CTNND2: variants seen among roughly 807,000 people sequenced by gnomAD.
CTNND2 encodes the protein catenin delta 2, also known as catenin delta-2.
Under a neutral mutation model 144.4 loss-of-function variants are expected in CTNND2, and 22 were observed. That is an observed-to-expected ratio of 0.15 (90% CI 0.11 to 0.22). CTNND2 has a LOEUF of 0.22. Ranked by LOEUF, CTNND2 falls within the 10% of genes least tolerant of loss-of-function variation. The pLI, the probability that CTNND2 is intolerant of heterozygous loss-of-function variation, is 1.00. For synonymous variants in CTNND2, 751 were observed against 695.6 expected, an observed-to-expected ratio of 1.08 and a Z score of -1.25; for missense variants, 1,353 against 1,618.8, an observed-to-expected ratio of 0.84 and a Z score of 2.82.
intron 1 of CTNND2, among the ~76,000 whole-genome samples, chr5:11,869,301 T>C (rs1795917408): frequency 6.6e-6 from 1 of 152,188 alleles, no homozygotes; most frequent in African/African-American, 2.4e-5. Flanking sequence ...TATTCACAAT[T>C]GCCAAAAGGT....
intron 3 of CTNND2, among the ~76,000 whole-genome samples, chr5:11,544,120 A>T (rs895933657): frequency 2.0e-5 from 3 of 152,210 alleles, no homozygotes; most frequent in Non-Finnish European, 4.4e-5. Context: ...TTAAAAATTT[A>T]AAGGGGACTT....
chr5:11,444,399 C>T (rs1764617717), intron 3 of CTNND2, among the ~76,000 whole-genome samples: 1 of 152,204 alleles, frequency 6.6e-6, no homozygotes, highest in Non-Finnish European at 1.5e-5. Context: ...AAGAAATTCT[C>T]TAAAAATCTG....
chr5:11,153,578 G>C (rs1757945543), intron 12 of CTNND2, among the ~76,000 whole-genome samples: 1 of 152,156 alleles, frequency 6.6e-6, no homozygotes, highest in African/African-American at 2.4e-5. Flanking sequence ...TCTAGAATTA[G>C]AGGCACCGTG....
chr5:11,015,072 GC>G (rs1561173132), intron 18 of CTNND2, among the ~76,000 whole-genome samples: 2 of 152,100 alleles, frequency 1.3e-5, no homozygotes, highest in African/African-American at 4.8e-5. Flanking sequence ...CCTTTGGAAC[GC>G]TTCCTTTGCT....
intron 1 of CTNND2, among the ~76,000 whole-genome samples, chr5:11,832,689 C>A (rs1017713344): frequency 2.0e-5 from 3 of 152,112 alleles, no homozygotes; most frequent in Non-Finnish European, 4.4e-5. Flanking sequence ...GCCTGTAATC[C>A]CAGCACTTTG....
intron 1 of CTNND2, among the ~76,000 whole-genome samples, chr5:11,780,513 G>A (rs573901298): frequency 2.0e-5 from 3 of 152,152 alleles, no homozygotes; most frequent in Admixed American, 2.0e-4. Context: ...CCTGGAGAGT[G>A]CAGAGGCTAT....
intron 11 of CTNND2, among the ~76,000 whole-genome samples, chr5:11,164,451 A>G (rs1010710858): frequency 3.3e-5 from 5 of 152,172 alleles, no homozygotes; most frequent in African/African-American, 1.2e-4. Flanking sequence ...ACATTCATTC[A>G]TTCATTTATC....
intron 1 of CTNND2, among the ~76,000 whole-genome samples, chr5:11,811,596 A>G (rs568140045): frequency 6.6e-5 from 10 of 152,312 alleles, no homozygotes; most frequent in Admixed American, 3.3e-4. Context: ...ACAGGGTCCA[A>G]TGGATGCCCT....
chr5:11,060,221 C>T (rs1357661504), intron 16 of CTNND2, among the ~76,000 whole-genome samples: 11 of 152,134 alleles, frequency 7.2e-5, no homozygotes, highest in Non-Finnish European at 1.5e-4. Context: ...AAGGTACTAG[C>T]AAAGAAGCAT....
intron 3 of CTNND2, among the ~76,000 whole-genome samples, chr5:11,513,534 T>A (rs1183990550): frequency 6.6e-6 from 1 of 152,210 alleles, no homozygotes; most frequent in Non-Finnish European, 1.5e-5. Flanking sequence ...CTTTCTCCAT[T>A]TCACTTTACA....
chr5:11,799,466 T>G (rs912925505), intron 1 of CTNND2, among the ~76,000 whole-genome samples: 2 of 152,182 alleles, frequency 1.3e-5, no homozygotes, highest in Non-Finnish European at 2.9e-5. Context: ...TTGAGATGTG[T>G]ATAGTTTTCA....
chr5:11,881,900 T>A (rs184350763), intron 1 of CTNND2, among the ~76,000 whole-genome samples: 2 of 152,112 alleles, frequency 1.3e-5, no homozygotes. Context: ...GCATTTGTTA[T>A]ATTTTTTCTT....
chr5:11,248,029 C>T (rs1166277214), intron 9 of CTNND2, among the ~76,000 whole-genome samples: 1 of 152,048 alleles, frequency 6.6e-6, no homozygotes, highest in African/African-American at 2.4e-5. Context: ...AATTAGTGTC[C>T]ATAAACTTTA....
chr5:11,018,370 T>A (rs1741850011), intron 17 of CTNND2, among the ~76,000 whole-genome samples: 1 of 152,118 alleles, frequency 6.6e-6, no homozygotes. Flanking sequence ...TTAATAACCC[T>A]ACAATGGCTC....
intron 2 of CTNND2, among the ~76,000 whole-genome samples, chr5:11,625,131 C>T (rs542156001): frequency 1.6e-4 from 25 of 152,150 alleles, no homozygotes; most frequent in African/African-American, 5.8e-4. Flanking sequence ...TAAACAACGA[C>T]GTTACATGAA....
intron 3 of CTNND2, among the ~76,000 whole-genome samples, chr5:11,542,602 T>C (rs1034699904): frequency 7.9e-5 from 12 of 152,246 alleles, no homozygotes; most frequent in Non-Finnish European, 1.2e-4. Context: ...ATGTATTCAA[T>C]AATATACTTA....
chr5:11,446,363 T>C (rs1401950703), intron 3 of CTNND2, among the ~76,000 whole-genome samples: 5 of 152,202 alleles, frequency 3.3e-5, no homozygotes. Flanking sequence ...CCTCGGTTCA[T>C]GGGAGGGTCG....
intron 5 of CTNND2, among the ~76,000 whole-genome samples, chr5:11,401,535 T>A: frequency 6.6e-6 from 1 of 152,202 alleles, no homozygotes; most frequent in Admixed American, 6.5e-5. Flanking sequence ...CCCATCTCCA[T>A]ACTTATTTGA....
At chr5:11,035,029 C>T (rs1474843384) in intron 16 of CTNND2, among the ~76,000 whole-genome samples, 2 of 131,114 alleles carry the variant, frequency 1.5e-5, no homozygotes, top group Non-Finnish European at 3.2e-5. Context: ...CCCCTCCCCC[C>T]ACCCCACAGC....
Sources: gnomAD v4.1 joint callset for allele counts (sites outside exome capture counted in the v4.1 genomes callset) on GRCh38, gnomAD v4.1.1 for gene constraint, MANE v1.5 for transcripts, NCBI Gene and HGNC (gene_info 2026-07-23, HGNC 2026-07-21) for gene names.